TNK1: variants seen among roughly 807,000 people sequenced by gnomAD.
The protein encoded by TNK1 is tyrosine kinase non receptor 1, also known as non-receptor tyrosine-protein kinase TNK1.
TNK1 carries 53 observed loss-of-function variants against 65.2 expected under a neutral mutation model. That is an observed-to-expected ratio of 0.81 (90% CI 0.65 to 1.02). TNK1 has a LOEUF of 1.02. Among genes scored for constraint, TNK1 ranks in the 50% least tolerant of loss-of-function variants. The pLI is 0.00. For missense variants in TNK1, 837 were observed against 878.4 expected (o/e 0.95, Z 0.60); for synonymous variants, 353 against 364.6 (o/e 0.97, Z 0.36).
chr17:7,386,785 G>C, intron 8 of TNK1, 130 bp downstream of exon 8: 1 of 1,091,396 alleles, frequency 9.2e-7, no homozygotes, highest in Non-Finnish European at 1.3e-6. Flanking sequence ...TCCCCACTGG[G>C]TCCTGAAAGC....
In TNK1 at chr17:7,384,470, A is replaced by G; in HGVS notation, c.867-14A>G. ...CACGTGTCCCGCCCCTTTCAGCTCC[A>G]CTTCCTTCGGCAGGTGTGCCCCAGA... is the stretch of plus-strand genomic sequence containing the variant. On this transcript the variant is annotated splice_polypyrimidine_tract_variant and intron_variant, in intron 6 of 12. Transcript: ENST00000688331. The G allele has an allele frequency of 6.6e-7, 1 of 1,520,462 alleles. No homozygotes were observed. The highest frequency in any genetic ancestry group is 8.9e-7 in the Non-Finnish European group (1 of 1,129,008). 94.2% of individuals were successfully genotyped at this position (1,520,462 alleles called of 1,614,324 possible). A position where few individuals can be genotyped will look rare whatever the true frequency, so the allele number is the denominator to read the frequency against.
At position 7,384,024 on chromosome 17, in the gene TNK1, C is replaced by G; in HGVS notation, c.637C>G (p.Pro213Ala). 6.6e-7 allele frequency: 1 copy of G among 1,509,358 alleles called. No homozygotes were observed. Among genetic ancestry groups the G allele is most frequent in the Non-Finnish European group, 8.8e-7 (1 of 1,133,532 alleles). 93.5% of individuals were successfully genotyped at this position (1,509,358 alleles called of 1,614,324 possible). ...SLHARLTAPAPTPPLLVALLC... is the reference protein window; with the variant it reads ...SLHARLTAPAATPPLLVALLC... ...GCACGCGCGCCTAACGGCCCCGGCC[C>G]CGACACCCCCGCTGCTCGTGGCCCT... The change falls in exon 6 of 13, where the codon CCG becomes GCG. Residue 213 changes from proline (P) to alanine (A), a missense_variant. By Grantham distance (27) the Pro-to-Ala change is conservative. Transcript: ENST00000688331.
chr17:7,384,504 G>T lies in TNK1; in HGVS notation c.887G>T (p.Arg296Leu), dbSNP rs1230890831. 1.3e-6 allele frequency: 2 copies of T among 1,574,760 alleles called. No homozygotes were observed. Among genetic ancestry groups the T allele is most frequent in the African/African-American group, 1.3e-5 (1 of 74,330 alleles). The change falls in exon 7 of 13, where the codon CGC becomes CTC. Residue 296 changes from arginine to leucine, a missense_variant. Coordinates refer to ENST00000688331, the MANE Select transcript of TNK1 (RefSeq NM_003985.6). ...GGCAGGTGTGCCCCAGAGAGCCTGC[G>T]CCACGGAGCCTTCTCGTCTGCCTCG... Reference protein sequence around the residue: ...PYAWCAPESLRHGAFSSASDV... With the variant: ...PYAWCAPESLLHGAFSSASDV...
At chr17:7,385,627 G>GCAC (rs1482481863) in intron 7 of TNK1, among the ~76,000 whole-genome samples, 4 of 151,864 alleles carry the variant, frequency 2.6e-5, no homozygotes, top group African/African-American at 4.8e-5. Context: ...TGCAGTGGTG[G>GCAC]GATCTTGGCT....
At chr17:7,386,335 C>G (rs1905175951) in intron 7 of TNK1, among the ~76,000 whole-genome samples, 1 of 152,114 alleles carries the variant, frequency 6.6e-6, no homozygotes, top group Non-Finnish European at 1.5e-5. Flanking sequence ...GTTAGTCCCC[C>G]CAGGTAGAGC....
rs1164530302 is a variant in TNK1, at chr17:7,388,543, T to C, written c.1615T>C (p.Ser539Pro). Residue 539 changes from serine to proline, a missense_variant, in exon 11 of 13, where the codon TCT becomes CCT. Coordinates refer to ENST00000688331, the MANE Select transcript of TNK1 (RefSeq NM_003985.6). The surrounding 1 kb of genome is among the most constrained non-coding windows in gnomAD (Gnocchi z 4.5). ...PGLPPRPPLS[S>P]SSPQPSQPSR... The stretch of plus-strand genomic sequence containing the variant: ...CCTGCCTCCACGCCCACCTTTATCC[T>C]CTAGCTCTCCTCAGCCCAGCCAGCC... 1 of 1,613,868 alleles carries C rather than the reference T, an allele frequency of 6.2e-7. No homozygotes were observed. Among genetic ancestry groups the C allele is most frequent in the Non-Finnish European group, 8.5e-7 (1 of 1,179,850 alleles).
intron 10 of TNK1, among the ~76,000 whole-genome samples, chr17:7,387,681 C>T (rs1249730410): frequency 6.6e-6 from 1 of 151,346 alleles, no homozygotes; most frequent in Non-Finnish European, 1.5e-5. Context: ...CTTGGCTCAC[C>T]GCAACCTCCA....
At position 7,382,716 on chromosome 17, in the gene TNK1, ACC is replaced by A; in HGVS notation, c.-91-118_-91-117del. 2 of 445,782 alleles carry A rather than the reference ACC, an allele frequency of 4.5e-6. No homozygotes were observed. Among genetic ancestry groups the A allele is most frequent in the Non-Finnish European group, 3.7e-6 (1 of 270,508 alleles). 27.6% of individuals were successfully genotyped at this position (445,782 alleles called of 1,614,324 possible). On this transcript the variant is annotated intron_variant, in intron 1 of 12. Transcript: ENST00000688331. This position sits in a 1 kb window ranked among gnomAD's most constrained non-coding sequence, Gnocchi z 4.1. ...TTACTCAGCGGTGAAGGGACAGAGT[ACC>A]CGGATGCCTGGGCACGGGGAACATT...
At chr17:7,383,144 C>T in intron 2 of TNK1, 55 bp downstream of exon 2, 1 of 1,611,686 alleles carries the variant, frequency 6.2e-7, no homozygotes, top group Non-Finnish European at 8.5e-7. Context: ...CTATCAGTTG[C>T]CTTCCCCCAC....
chr17:7,383,398 A>C, intron 3 of TNK1, 27 bp from the exon 4 acceptor site: 3 of 1,613,958 alleles, frequency 1.9e-6, no homozygotes, highest in African/African-American at 2.7e-5. Flanking sequence ...AGGGCTCTGC[A>C]TACCGGATTT....
chr17:7,387,947 C>G (rs1048614297), intron 10 of TNK1, among the ~76,000 whole-genome samples: 6 of 152,180 alleles, frequency 3.9e-5, no homozygotes, highest in African/African-American at 1.4e-4. Context: ...TCCTGCCTTC[C>G]CTTCTGAAGA....
At chr17:7,381,684 G>C (rs1407746369) in intron 1 of TNK1, among the ~76,000 whole-genome samples, 1 of 152,350 alleles carries the variant, frequency 6.6e-6, no homozygotes, top group South Asian at 2.1e-4. Flanking sequence ...TTCAAATGTT[G>C]CTGCCTCCGG....
chr17:7,385,193 C>A (rs7209048), intron 7 of TNK1, among the ~76,000 whole-genome samples: 18,641 of 151,826 alleles, frequency 0.12, 1,535 homozygotes, highest in East Asian at 0.31. Flanking sequence ...GGAGAAACCC[C>A]GTCTCTACTA....
In TNK1 at chr17:7,384,131, G is replaced by A. The variant is rs759626111; in HGVS notation, c.744G>A (p.Thr248=). The A allele has an allele frequency of 6.5e-7, 1 of 1,548,042 alleles. No individual in the cohort carries two copies. Among genetic ancestry groups the A allele is most frequent in the East Asian group, 2.4e-5 (1 of 41,446 alleles). Residue 248 remains threonine (T), a synonymous_variant, in exon 6 of 13, where the codon ACG becomes ACA. Coordinates refer to ENST00000688331, the MANE Select transcript of TNK1 (RefSeq NM_003985.6). ...ARGLVHRDLA[T]RNLLLASPRT... Reference sequence around the variant, plus strand: ...GGCTGGTGCACCGAGACCTCGCTACGCGCAACCTACTGCTGGCGTCGCCGC... The same window carrying A: ...GGCTGGTGCACCGAGACCTCGCTACACGCAACCTACTGCTGGCGTCGCCGC...
chr17:7,381,451 G>A (rs1315572633), intron 1 of TNK1, among the ~76,000 whole-genome samples: 2 of 152,186 alleles, frequency 1.3e-5, no homozygotes, highest in Non-Finnish European at 2.9e-5. Flanking sequence ...AGTGTGCTAG[G>A]GAAAGTGTGA....
intron 1 of TNK1, among the ~76,000 whole-genome samples, chr17:7,381,599 C>CT (rs1372469523): frequency 1.3e-5 from 2 of 152,216 alleles, no homozygotes; most frequent in East Asian, 3.9e-4. Context: ...AGGTGTGGGA[C>CT]TGTGTACCTG....
rs1204381471 is a variant in TNK1 at position 7,383,769 on chromosome 17, G to T, written c.487G>T (p.Gly163Trp). The change falls in exon 5 of 13, where the codon GGG (glycine) becomes TGG (tryptophan). Residue 163 changes from glycine to tryptophan, a missense_variant. Transcript: ENST00000688331. Reference sequence around the variant, plus strand: ...CGAAGGCCCGATGGGCACAGAACTGGGGGACTTCCTGCGAGAGGTATCGGT... The same window carrying T: ...CGAAGGCCCGATGGGCACAGAACTGTGGGACTTCCTGCGAGAGGTATCGGT... Reference protein sequence around the residue: ...GPEGPMGTELGDFLREVSVMM... With the variant: ...GPEGPMGTELWDFLREVSVMM... The T allele has an allele frequency of 6.2e-7, 1 of 1,612,856 alleles. No homozygotes were observed. The highest frequency in any genetic ancestry group is 8.5e-7 in the Non-Finnish European group (1 of 1,179,432).
Position 7,384,528 on chromosome 17 carries a change from C to T in TNK1, c.911C>T (p.Ser304Leu), listed in dbSNP as rs767215080. 3 of 1,600,236 alleles carry T rather than the reference C, an allele frequency of 1.9e-6. No homozygotes were observed. Among genetic ancestry groups the T allele is most frequent in the Admixed American group, 1.7e-5 (1 of 59,248 alleles). ...CGCCACGGAGCCTTCTCGTCTGCCT[C>T]GGACGTGTGGATGTTTGGGGTGACG... ...SLRHGAFSSA[S>L]DVWMFGVTLW... The change falls in exon 7 of 13, where the codon TCG becomes TTG. Residue 304 changes from serine (S) to leucine (L), a missense_variant. Physicochemically the swap from Ser to Leu is moderately radical, Grantham distance 145. Coordinates refer to ENST00000688331, the MANE Select transcript of TNK1 (RefSeq NM_003985.6).
In TNK1 at chr17:7,384,222, A is replaced by G. The variant is rs1262146805; in HGVS notation, c.835A>G (p.Met279Val). The G allele has an allele frequency of 5.3e-6, 8 of 1,511,930 alleles. No individual in the cohort carries two copies. The highest frequency in any genetic ancestry group is 1.4e-5 in the African/African-American group (1 of 71,476). 93.7% of individuals were successfully genotyped at this position (1,511,930 alleles called of 1,614,324 possible). Residue 279 changes from methionine (M) to valine (V), a missense_variant, in exon 6 of 13, where the codon ATG (methionine) becomes GTG (valine). Coordinates refer to ENST00000688331, the MANE Select transcript of TNK1 (RefSeq NM_003985.6). The part of the protein sequence containing the change: ...PLGGARGRYV[M>V]GGPRPIPYAW... ...GGGCGGTGCCCGGGGCCGCTACGTC[A>G]TGGGCGGGCCCCGCCCTATCCCCTA... is the stretch of plus-strand genomic sequence containing the variant.
Sources: gnomAD v4.1 joint callset for allele counts (sites outside exome capture counted in the v4.1 genomes callset) on GRCh38, gnomAD v4.1.1 for gene constraint, Gnocchi (gnomAD v3.1) non-coding constraint, MANE v1.5 for transcripts, NCBI Gene and HGNC (gene_info 2026-07-23, HGNC 2026-07-21) for gene names.